The following MYT1L variants were observed in gnomAD, a reference collection of about 807,000 sequenced individuals.
MYT1L encodes myelin transcription factor 1 like.
MYT1L carries 12 observed loss-of-function variants against 126.7 expected under a neutral mutation model. That is an observed-to-expected ratio of 0.09 (90% confidence interval 0.06 to 0.15). The LOEUF is 0.15. Ranked by LOEUF, MYT1L falls within the 10% of genes least tolerant of loss-of-function variation. MYT1L has a pLI of 1.00. For missense variants in MYT1L, 979 were observed against 1,585.2 expected, an observed-to-expected ratio of 0.62 and a Z score of 6.49; for synonymous variants, 541 against 604.2, an observed-to-expected ratio of 0.90 and a Z score of 1.53.
intron 3 of MYT1L, among the ~76,000 whole-genome samples, chr2:2,134,964 G>T (rs2082851267): frequency 6.6e-6 from 1 of 152,108 alleles, no homozygotes; most frequent in Non-Finnish European, 1.5e-5. Flanking sequence ...TTGCTTTCAA[G>T]TCTCCCCACA....
intron 14 of MYT1L, among the ~76,000 whole-genome samples, chr2:1,898,763 A>T (rs1196251995): frequency 6.6e-6 from 1 of 152,226 alleles, no homozygotes; most frequent in East Asian, 1.9e-4. Context: ...TTCACCAGGG[A>T]GCGGCCTCTG....
chr2:2,222,432 G>A (rs1490251097), intron 2 of MYT1L, among the ~76,000 whole-genome samples: 1 of 151,914 alleles, frequency 6.6e-6, no homozygotes, highest in African/African-American at 2.4e-5. Flanking sequence ...GGAGGCAGAG[G>A]TTGCAGTGAG....
chr2:2,199,935 C>G (rs1162204910), intron 2 of MYT1L, among the ~76,000 whole-genome samples: 1 of 152,164 alleles, frequency 6.6e-6, no homozygotes, highest in Non-Finnish European at 1.5e-5. Flanking sequence ...AACATTTCAT[C>G]CAGGATTTGA....
At chr2:2,206,958 C>T (rs2093345273) in intron 2 of MYT1L, among the ~76,000 whole-genome samples, 1 of 152,120 alleles carries the variant, frequency 6.6e-6, no homozygotes, top group African/African-American at 2.4e-5. Context: ...GACTTCATTC[C>T]CTATGGAGAA....
chr2:2,245,453 G>A (rs1224057919), intron 2 of MYT1L, among the ~76,000 whole-genome samples: 1 of 151,972 alleles, frequency 6.6e-6, no homozygotes, highest in Non-Finnish European at 1.5e-5. Flanking sequence ...TTTGAGGCTT[G>A]GCAACATTTA....
rs560344961 is a variant in MYT1L at position 2,025,105 on chromosome 2, C to T, written c.-157-27758G>A. Among the ~76,000 whole-genome samples, 30 of 152,290 alleles carry T rather than the reference C, an allele frequency of 2.0e-4. No individual in the cohort carries two copies. The South Asian group carries it at 6.2e-3, about 32-fold the overall frequency. On this transcript the variant is annotated intron_variant, in intron 4 of 24. Coordinates refer to ENST00000647738, the MANE Select transcript of MYT1L (RefSeq NM_001303052.2). ...CTGTGTTTTTAATTTTATAGGCAAACCCAATATAGATGGAAGTTCAGGGGC... is the reference window on the plus strand; with the variant it reads ...CTGTGTTTTTAATTTTATAGGCAAATCCAATATAGATGGAAGTTCAGGGGC...
intron 8 of MYT1L, among the ~76,000 whole-genome samples, chr2:1,947,425 A>G (rs1279502042): frequency 6.6e-6 from 1 of 152,152 alleles, no homozygotes; most frequent in Non-Finnish European, 1.5e-5. Context: ...TTTGGAGGAC[A>G]ATGTATCCGG....
intron 8 of MYT1L, among the ~76,000 whole-genome samples, chr2:1,956,191 G>GTCTGTCTATCTATCTA (rs1553354694): frequency 0.1 from 14,886 of 145,872 alleles, 1,191 homozygotes; most frequent in East Asian, 0.17. Flanking sequence ...TTACCTAGCT[G>GTCTGTCTATCTATCTA]TCTATCTATC....
At chr2:2,208,398 G>A (rs1224410940) in intron 2 of MYT1L, among the ~76,000 whole-genome samples, 1 of 152,172 alleles carries the variant, frequency 6.6e-6, no homozygotes, top group Non-Finnish European at 1.5e-5. Context: ...ACCTGTCACA[G>A]CCAGCAGTTC....
chr2:2,187,469 GT>G (rs2092294995), intron 2 of MYT1L, among the ~76,000 whole-genome samples: 1 of 151,936 alleles, frequency 6.6e-6, no homozygotes, highest in Non-Finnish European at 1.5e-5. Context: ...TGAAAGGCAT[GT>G]TATTACCCAG....
rs947091334 is a variant in MYT1L, at chr2:2,264,467, A to G, written c.-421+19937T>C. On this transcript the variant is annotated intron_variant, in intron 2 of 24. Coordinates refer to ENST00000647738, the MANE Select transcript of MYT1L (RefSeq NM_001303052.2). Reference sequence around the variant, plus strand: ...TCATACTTCCTAAGTTACTTTATATAGGAATGAAAGTTAAAAAATAGGTCA... The same window carrying G: ...TCATACTTCCTAAGTTACTTTATATGGGAATGAAAGTTAAAAAATAGGTCA... Among the ~76,000 whole-genome samples the G allele has an allele frequency of 2.6e-5, 4 of 152,252 alleles. No individual in the cohort carries two copies. The East Asian group carries it at 7.7e-4, about 29-fold the overall frequency.
chr2:2,024,576 T>G (rs1167486927), intron 4 of MYT1L, among the ~76,000 whole-genome samples: 1 of 152,212 alleles, frequency 6.6e-6, no homozygotes, highest in African/African-American at 2.4e-5. Context: ...TGTAGGAATT[T>G]AACTTCTACC....
At chr2:1,975,935 A>G in intron 8 of MYT1L, among the ~76,000 whole-genome samples, 1 of 152,054 alleles carries the variant, frequency 6.6e-6, no homozygotes, top group East Asian at 1.9e-4. Flanking sequence ...AGAAAAATTG[A>G]TTTTTTACAT....
intron 8 of MYT1L, among the ~76,000 whole-genome samples, chr2:1,948,123 T>C (rs1233206204): frequency 1.3e-5 from 2 of 152,240 alleles, no homozygotes; most frequent in African/African-American, 2.4e-5. Context: ...TCTGATGAAG[T>C]GTACGTTTCA....
intron 3 of MYT1L, among the ~76,000 whole-genome samples, chr2:2,116,688 C>T (rs2080247536): frequency 6.6e-6 from 1 of 152,386 alleles, no homozygotes; most frequent in Admixed American, 6.5e-5. Flanking sequence ...CTCTCAGATT[C>T]CATATAGGTC....
At chr2:2,188,417 C>T (rs930260759) in intron 2 of MYT1L, among the ~76,000 whole-genome samples, 2 of 152,194 alleles carry the variant, frequency 1.3e-5, no homozygotes, top group African/African-American at 4.8e-5. Context: ...GATGGATGCA[C>T]GAACTTACCA....
At chr2:2,041,891 G>A (rs1469692989) in intron 4 of MYT1L, among the ~76,000 whole-genome samples, 1 of 152,194 alleles carries the variant, frequency 6.6e-6, no homozygotes, top group Non-Finnish European at 1.5e-5. Context: ...TCCTTCCAGT[G>A]AGATTGTACT....
At chr2:1,901,324 G>A (rs1490239499) in intron 14 of MYT1L, among the ~76,000 whole-genome samples, 1 of 152,130 alleles carries the variant, frequency 6.6e-6, no homozygotes, top group Admixed American at 6.5e-5. Flanking sequence ...ATCAAATCCC[G>A]GTAGAACGTC....
At chr2:2,073,646 G>A (rs1574990940) in intron 3 of MYT1L, among the ~76,000 whole-genome samples, 1 of 152,106 alleles carries the variant, frequency 6.6e-6, no homozygotes. Context: ...TCTCGCCTCC[G>A]CATCCTGCCA....
Sources: gnomAD v4.1 joint callset for allele counts (sites outside exome capture counted in the v4.1 genomes callset) on GRCh38, gnomAD v4.1.1 for gene constraint, MANE v1.5 for transcripts, NCBI Gene and HGNC (gene_info 2026-07-23, HGNC 2026-07-21) for gene names.